PDXDC1: variants seen among roughly 807,000 people sequenced by gnomAD.
The protein encoded by PDXDC1 is pyridoxal-dependent decarboxylase domain-containing protein 1.
In PDXDC1, 42 loss-of-function variants were observed where a neutral mutation model predicts 100.1. The ratio of observed to expected loss-of-function variants is 0.42; its 90% CI spans 0.33 to 0.54. The LOEUF (loss-of-function observed/expected upper bound fraction) is 0.54, where lower values mean the gene tolerates loss of function less well. PDXDC1 is among the 20% of genes least tolerant of loss of function. PDXDC1 has a pLI of 0.10. For synonymous variants in PDXDC1, 260 were observed against 371.7 expected, an observed-to-expected ratio of 0.70 and a Z score of 3.46; for missense variants, 636 against 979.2, an observed-to-expected ratio of 0.65 and a Z score of 4.68.
rs569430596 is a variant in PDXDC1, at chr16:15,083,028, A to G, written c.1399+52972A>G. 1.4e-4 allele frequency among the ~76,000 whole-genome samples: 21 copies of G among 152,378 alleles called. No homozygotes were observed. The South Asian group carries it at 3.1e-3, about 23-fold the overall frequency. On this transcript the variant is annotated intron_variant, in intron 16 of 16. Coordinates refer to the PDXDC1 transcript ENST00000535621. ...CAGAAAAAGGCACTGGGAATCCCCA[A>G]TAGCCGCTTTATAAGAAAGGAATCT...
chr16:15,144,515 G>T, the PDXDC1 span, among the ~76,000 whole-genome samples: 1 of 151,954 alleles, frequency 6.6e-6, no homozygotes, highest in Non-Finnish European at 1.5e-5. Flanking sequence ...GCCTCTGATA[G>T]AGGACGAGGC....
chr16:14,976,054 A>G (rs61635552), intron 1 of PDXDC1, among the ~76,000 whole-genome samples: 1 of 152,084 alleles, frequency 6.6e-6, no homozygotes, highest in Non-Finnish European at 1.5e-5. Context: ...GTGGTGTACC[A>G]GGCTGACTGC....
intron 16 of PDXDC1, chr16:15,074,932 A>G (rs1389746215): frequency 1.1e-5 from 15 of 1,401,784 alleles, no homozygotes; most frequent in Admixed American, 2.2e-5. Flanking sequence ...GAAAACTGTC[A>G]TAAGTGATTA....
chr16:14,984,496 T>TATATATATATATA (rs1491326563), intron 1 of PDXDC1, among the ~76,000 whole-genome samples: 1 of 51,224 alleles, frequency 2.0e-5, no homozygotes, highest in African/African-American at 6.3e-5. Context: ...TATATATATA[T>TATATATATATATA]TTTTTTTTTT....
At chr16:15,048,789 G>A (rs1205062003) in intron 16 of PDXDC1, among the ~76,000 whole-genome samples, 1 of 151,422 alleles carries the variant, frequency 6.6e-6, no homozygotes, top group African/African-American at 2.4e-5. Context: ...ACACCTGGCT[G>A]AGTTTTATAC....
At chr16:15,115,097 G>A (rs1298345919) in intron 16 of PDXDC1, among the ~76,000 whole-genome samples, 1 of 144,818 alleles carries the variant, frequency 6.9e-6, no homozygotes, top group Non-Finnish European at 1.5e-5. Context: ...CACCATGCCC[G>A]ACTAATTTTT....
rs780299816 is a variant in PDXDC1 at position 15,038,156 on chromosome 16, A to C, written c.*1881A>C. On this transcript the variant is annotated 3_prime_UTR_variant, in exon 23 of 23. Coordinates refer to ENST00000396410, the MANE Select transcript of PDXDC1 (RefSeq NM_015027.4). ...TGTTTTTTTAAAAACATCAAGGTAG[A>C]TCTAATATGTTCAACAAAGTGGGGT... The C allele has an allele frequency of 1.2e-6, 2 of 1,613,346 alleles. No individual in the cohort carries two copies. The highest frequency in any genetic ancestry group is 3.3e-5 in the Admixed American group (2 of 59,978).
chr16:15,058,428 A>G (rs2044601223), intron 16 of PDXDC1, among the ~76,000 whole-genome samples: 1 of 152,242 alleles, frequency 6.6e-6, no homozygotes. Context: ...AATATTTTTT[A>G]AATTACACTT....
chr16:15,092,386 T>C (rs2046169892), intron 16 of PDXDC1: 2 of 688,454 alleles, frequency 2.9e-6, no homozygotes, highest in African/African-American at 1.8e-5. Flanking sequence ...CATGCTATTA[T>C]TAAATATTTG....
chr16:15,143,655 G>A (rs1353392077), downstream of PDXDC1, among the ~76,000 whole-genome samples: 1 of 152,220 alleles, frequency 6.6e-6, no homozygotes, highest in African/African-American at 2.4e-5. Flanking sequence ...CCCCACAGGC[G>A]CTCCTGGGCC....
At chr16:15,014,461 T>C (rs1231955112) in intron 8 of PDXDC1, among the ~76,000 whole-genome samples, 3 of 152,290 alleles carry the variant, frequency 2.0e-5, no homozygotes, top group African/African-American at 7.2e-5. Context: ...AGAATCTGCA[T>C]GCGATCCAGG....
At chr16:14,990,295 G>A (rs1970477780) in intron 1 of PDXDC1, 1 of 221,878 alleles carries the variant, frequency 4.5e-6, no homozygotes, top group Non-Finnish European at 7.6e-6. Flanking sequence ...AACCGCCGCA[G>A]CAGCCGCCAT....
intron 16 of PDXDC1, chr16:15,137,648 G>C: frequency 1.5e-6 from 2 of 1,330,492 alleles, no homozygotes; most frequent in Non-Finnish European, 2.1e-6. Context: ...CCCTTGGCCC[G>C]GAGCCCCCCC....
chr16:15,048,054 G>A, intron 16 of PDXDC1: 2 of 1,613,366 alleles, frequency 1.2e-6, no homozygotes, highest in Non-Finnish European at 1.7e-6. Context: ...AGGCCCTGGG[G>A]TCCCACTTGT....
intron 16 of PDXDC1, chr16:15,094,551 G>A (rs2046283642): frequency 2.3e-6 from 1 of 443,966 alleles, no homozygotes; most frequent in African/African-American, 2.1e-5. Context: ...GTACACTCAA[G>A]TGTTAATTTT....
chr16:15,000,356 G>T (rs2151347608), intron 3 of PDXDC1, among the ~76,000 whole-genome samples: 2 of 152,404 alleles, frequency 1.3e-5, no homozygotes, highest in East Asian at 3.9e-4. Flanking sequence ...GTCCGGCTTG[G>T]CAAGTTGGAA....
intron 16 of PDXDC1, chr16:15,131,551 G>T (rs1352083939): frequency 6.2e-6 from 10 of 1,609,434 alleles, no homozygotes; most frequent in South Asian, 4.4e-5. Context: ...CAGTGTCAGG[G>T]GCTCCTCGTT....
chr16:15,144,742 C>G, the PDXDC1 span, among the ~76,000 whole-genome samples: 83 of 152,150 alleles, frequency 5.5e-4, no homozygotes, highest in African/African-American at 1.9e-3. Flanking sequence ...ACTCCGGCCT[C>G]GGAGGCTGAA....
Position 15,031,717 on chromosome 16 carries a change from C to T in PDXDC1, c.1400-18C>T, listed in dbSNP as rs2151638126. 6.3e-7 allele frequency: 1 copy of T among 1,599,836 alleles called. No individual in the cohort carries two copies. The highest frequency in any genetic ancestry group is 1.7e-5 in the Admixed American group (1 of 59,854). Reference sequence around the variant, plus strand: ...GGCCATCTCGTGAGCATTTCTCTGACATTGTGAACATCTTCAGTTTTAGGA... The same window carrying T: ...GGCCATCTCGTGAGCATTTCTCTGATATTGTGAACATCTTCAGTTTTAGGA... On this transcript the variant is annotated intron_variant, in intron 16 of 22. Coordinates refer to ENST00000396410, the MANE Select transcript of PDXDC1 (RefSeq NM_015027.4).
Sources: gnomAD v4.1 joint callset for allele counts (sites outside exome capture counted in the v4.1 genomes callset) on GRCh38, gnomAD v4.1.1 for gene constraint, MANE v1.5 for transcripts, NCBI Gene and HGNC (gene_info 2026-07-23, HGNC 2026-07-21) for gene names.